The following SNW1 variants were observed in gnomAD, a reference collection of about 807,000 sequenced individuals.
SNW1 encodes SNW domain-containing protein 1.
A neutral mutation model predicts 75.6 loss-of-function variants in SNW1; 9 were observed. The observed-to-expected ratio is 0.12, with a 90% CI of 0.07 to 0.21. The LOEUF (loss-of-function observed/expected upper bound fraction) is 0.21. SNW1 is among the 10% of genes least tolerant of loss of function. The probability of loss-of-function intolerance (pLI) is 1.00; values close to 1 mark genes in which losing one functional copy is unlikely to be tolerated. For synonymous variants in SNW1, 200 were observed against 219.1 expected, an observed-to-expected ratio of 0.91 and a Z score of 0.77; for missense variants, 409 against 670.9, an observed-to-expected ratio of 0.61 and a Z score of 4.31.
At position 77,739,059 on chromosome 14, in the gene SNW1, G is replaced by A. The variant is rs780522000; in HGVS notation, c.333C>T (p.Val111=). 1.1e-5 allele frequency: 17 copies of A among 1,610,654 alleles called. No individual in the cohort carries two copies. Among genetic ancestry groups the A allele is most frequent in the Non-Finnish European group, 1.4e-5 (16 of 1,177,596 alleles). The change falls in exon 4 of 14, where the codon GTC becomes GTT. Residue 111 remains valine, a splice_region_variant and synonymous_variant. Transcript: ENST00000261531. ...CCAGGTCAGTGTATTTGCTATAAAT[G>A]ACCTAAAATGTTCAAACACAAGCAG... The part of the protein sequence containing the change: ...IARQGQSKDK[V]IYSKYTDLVP...
intron 3 of SNW1, among the ~76,000 whole-genome samples, chr14:77,747,650 C>T (rs552917338): frequency 5.3e-5 from 8 of 151,178 alleles, no homozygotes; most frequent in East Asian, 3.9e-4. Context: ...GCAGCCGTCC[C>T]ATCTGGGAAG....
In SNW1 at chr14:77,717,959, T is replaced by C; in HGVS notation, c.*129A>G. On this transcript the variant is annotated 3_prime_UTR_variant, in exon 14 of 14. Coordinates refer to ENST00000261531, the MANE Select transcript of SNW1 (RefSeq NM_012245.3). ...TCTATCCCCCCCATTTCTCCAGTAA[T>C]AAAAAGTAGTGCTGGGATCTGGCAC... 3 of 788,914 alleles carry C rather than the reference T, an allele frequency of 3.8e-6. No individual in the cohort carries two copies. The highest frequency in any genetic ancestry group is 2.3e-5 in the South Asian group (1 of 43,928). The allele number at this position is 788,914 out of a possible 1,614,324, so 48.9% of individuals were successfully genotyped here.
At chr14:77,739,690 A>G (rs2080701665) in intron 3 of SNW1, among the ~76,000 whole-genome samples, 1 of 152,164 alleles carries the variant, frequency 6.6e-6, no homozygotes, top group African/African-American at 2.4e-5. Flanking sequence ...GAGGCCTGTT[A>G]TATGACTTCT....
intron 2 of SNW1, among the ~76,000 whole-genome samples, chr14:77,753,469 A>T (rs1549119): frequency 0.82 from 123,987 of 151,734 alleles, 50,788 homozygotes; most frequent in South Asian, 0.86. Context: ...TCCCATAAAT[A>T]ACACTATCAG....
chr14:77,753,973 T>C (rs529487446), intron 2 of SNW1, among the ~76,000 whole-genome samples: 2 of 150,806 alleles, frequency 1.3e-5, no homozygotes, highest in Non-Finnish European at 3.0e-5. Context: ...AAAATAAAAA[T>C]TAATTAATTA....
chr14:77,759,043 C>T (rs1034997566), intron 1 of SNW1, among the ~76,000 whole-genome samples: 1 of 152,220 alleles, frequency 6.6e-6, no homozygotes. Context: ...TCTTCAGGTT[C>T]AACTAATTTG....
intron 10 of SNW1, among the ~76,000 whole-genome samples, chr14:77,728,721 G>A (rs1048622026): frequency 6.6e-6 from 1 of 152,136 alleles, no homozygotes; most frequent in East Asian, 1.9e-4. Context: ...AATTAACCAT[G>A]TGACCTGCGC....
intron 10 of SNW1, among the ~76,000 whole-genome samples, chr14:77,728,412 T>C (rs887257667): frequency 4.7e-4 from 72 of 152,184 alleles, no homozygotes; most frequent in African/African-American, 1.7e-3. Flanking sequence ...GATTGCATCA[T>C]TACACTTCAG....
intron 1 of SNW1, chr14:77,760,580 C>A: frequency 1.5e-6 from 1 of 689,214 alleles, no homozygotes; most frequent in Non-Finnish European, 2.7e-6. Flanking sequence ...GGAGCAGTGG[C>A]GCATATCAGC....
intron 12 of SNW1, among the ~76,000 whole-genome samples, chr14:77,718,902 A>G (rs1222610598): frequency 1.3e-5 from 2 of 152,012 alleles, no homozygotes; most frequent in African/African-American, 4.8e-5. Context: ...GTAGAGACAG[A>G]GTTTCACCAT....
chr14:77,735,307 C>T (rs371147758), intron 7 of SNW1, among the ~76,000 whole-genome samples: 11 of 152,034 alleles, frequency 7.2e-5, no homozygotes, highest in African/African-American at 1.9e-4. Flanking sequence ...TTTATTGAGA[C>T]GGGGTTTCGC....
rs2080885414 is a variant in SNW1, at chr14:77,760,929, T to G, written c.14+185A>C. 2.0e-5 allele frequency: 28 copies of G among 1,390,212 alleles called. No homozygotes were observed. In the South Asian group the frequency reaches 2.5e-4, roughly 12 times the overall value. 86.1% of individuals were successfully genotyped at this position (1,390,212 alleles called of 1,614,324 possible). A position where few individuals can be genotyped will look rare whatever the true frequency, so the allele number is the denominator to read the frequency against. ...GGGTGAACTAAACCCGGGAAACCGC[T>G]GAAAGACCCCAGCTTCGACTAGGCC... On this transcript the variant is annotated intron_variant, in intron 1 of 13. Coordinates refer to ENST00000261531, the MANE Select transcript of SNW1 (RefSeq NM_012245.3).
chr14:77,734,455 T>G (rs1333284270), intron 8 of SNW1, among the ~76,000 whole-genome samples: 1 of 152,202 alleles, frequency 6.6e-6, no homozygotes, highest in Non-Finnish European at 1.5e-5. Context: ...AGAACTGATA[T>G]GGGGCCGGGT....
At chr14:77,749,709 A>G (rs960158006) in intron 3 of SNW1, among the ~76,000 whole-genome samples, 9 of 152,216 alleles carry the variant, frequency 5.9e-5, no homozygotes, top group Non-Finnish European at 7.4e-5. Flanking sequence ...CAAGGTTGCA[A>G]TGAATTATGA....
rs994340414 is a variant in SNW1, at chr14:77,721,047, A to G, written c.1131-219T>C. 4 of 521,986 alleles carry G rather than the reference A, an allele frequency of 7.7e-6. No individual in the cohort carries two copies. In the Admixed American group the frequency reaches 1.1e-4, roughly 14 times the overall value. The allele number at this position is 521,986 out of a possible 1,614,324, so 32.3% of individuals were successfully genotyped here. A position where few individuals can be genotyped will look rare whatever the true frequency, so the allele number is the denominator to read the frequency against. ...TACAATTAGGACGTCCTGTTAGCTC[A>G]AAAGAACATCTAACAGATTCGTTGA... On this transcript the variant is annotated intron_variant, in intron 11 of 13. Coordinates refer to ENST00000261531, the MANE Select transcript of SNW1 (RefSeq NM_012245.3).
chr14:77,754,901 T>A, intron 2 of SNW1, 66 bp downstream of exon 2: 1 of 1,366,082 alleles, frequency 7.3e-7, no homozygotes, highest in Non-Finnish European at 9.9e-7. Context: ...TTTAAATTTA[T>A]GTTATAGTGT....
In SNW1 at chr14:77,754,973, T is replaced by A; in HGVS notation, c.162A>T (p.Leu54Phe). Reference protein sequence around the residue: ...YGYRKGWIPRLLEDFGDGGAF... With the variant: ...YGYRKGWIPRFLEDFGDGGAF... ...ACTTAAGATCTATATGTACCTCTAA[T>A]AACCGAGGTATCCAGCCTTTCCGGT... Residue 54 changes from leucine to phenylalanine, a missense_variant, in exon 2 of 14, where the codon TTA becomes TTT. Around this residue, in one of 9 missense-constraint regions of SNW1, gnomAD observed 73 missense variants for 68.3 expected, o/e 1.07. Coordinates refer to ENST00000261531, the MANE Select transcript of SNW1 (RefSeq NM_012245.3). 6.3e-7 allele frequency: 1 copy of A among 1,594,958 alleles called. No homozygotes were observed.
chr14:77,760,939 C>T (rs919700327), intron 1 of SNW1, 175 bp downstream of exon 1: 1 of 1,451,542 alleles, frequency 6.9e-7, no homozygotes, highest in Non-Finnish European at 9.6e-7. Flanking sequence ...TGAAAGACCC[C>T]AGCTTCGACT....
Position 77,726,576 on chromosome 14 carries a change from T to C in SNW1, c.1034-3299A>G, listed in dbSNP as rs949515197. ...GACTCATGCCTGTAATACCAGCACT[T>C]TGGGAGGCTGAGGCAGGCAGATCAC... On this transcript the variant is annotated intron_variant, in intron 10 of 13. Coordinates refer to ENST00000261531, the MANE Select transcript of SNW1 (RefSeq NM_012245.3). Among the ~76,000 whole-genome samples, 96 of 152,274 alleles carry C rather than the reference T, an allele frequency of 6.3e-4. 1 individual carries two copies. Among genetic ancestry groups the C allele is most frequent in the African/African-American group, 1.8e-3 (74 of 41,566 alleles).
Sources: allele counts gnomAD v4.1 joint callset (sites outside exome capture counted in the v4.1 genomes callset), GRCh38; gene constraint gnomAD v4.1.1; regional missense constraint gnomAD v4.1.1; transcripts MANE v1.5; gene names NCBI Gene and HGNC (gene_info 2026-07-23, HGNC 2026-07-21).